Variants in MYO1H observed in about 807,000 individuals in gnomAD.
The protein encoded by MYO1H is myosin IH.
Under a neutral mutation model 149.3 loss-of-function variants are expected in MYO1H, and 118 were observed. The ratio of observed to expected loss-of-function variants is 0.79; its 90% CI spans 0.68 to 0.92. The LOEUF (loss-of-function observed/expected upper bound fraction) is 0.92. Ranked by LOEUF, MYO1H falls within the 40% of genes least tolerant of loss-of-function variation. The probability of loss-of-function intolerance (pLI) is 0.00; values close to 1 mark genes in which losing one functional copy is unlikely to be tolerated. For synonymous variants in MYO1H, 447 were observed against 465.2 expected (o/e 0.96, Z 0.50); for missense variants, 1,212 against 1,280.7 (o/e 0.95, Z 0.82).
At chr12:109,402,558 A>G (rs917708195) in intron 6 of MYO1H, among the ~76,000 whole-genome samples, 1 of 152,208 alleles carries the variant, frequency 6.6e-6, no homozygotes, top group Non-Finnish European at 1.5e-5. Flanking sequence ...GCTTGAGTCC[A>G]GGAATTTAAG....
exon 32 of MYO1H, chr12:109,447,423 G>A: frequency 1.7e-6 from 1 of 594,708 alleles, no homozygotes; most frequent in Non-Finnish European, 3.0e-6. Flanking sequence ...TCACCCGAAG[G>A]CGCAATTCTA....
chr12:109,378,612 C>A (rs544152036), intron 1 of MYO1H, among the ~76,000 whole-genome samples: 4 of 152,178 alleles, frequency 2.6e-5, no homozygotes, highest in South Asian at 2.1e-4. Flanking sequence ...CGCCACTGTG[C>A]CCGACCTGCA....
chr12:109,407,704 T>C, intron 9 of MYO1H, 90 bp from the exon 10 acceptor site: 1 of 1,407,978 alleles, frequency 7.1e-7, no homozygotes, highest in Non-Finnish European at 9.5e-7. Flanking sequence ...TCTCATTATT[T>C]TATTTTTTTT....
At chr12:109,336,863 G>T in the MYO1H span, among the ~76,000 whole-genome samples, 1 of 152,166 alleles carries the variant, frequency 6.6e-6, no homozygotes, top group Non-Finnish European at 1.5e-5. Flanking sequence ...CATTGTCATA[G>T]GTGATAGAGT....
In MYO1H at chr12:109,416,833, CAA is replaced by C. The variant is rs199622576; in HGVS notation, c.1597+1217_1597+1218del. On this transcript the variant is annotated intron_variant, in intron 15 of 31. Coordinates refer to ENST00000310903, the Ensembl canonical transcript of MYO1H. ...TGAAGCCCCATCTCTACTAAAAATA[CAA>C]AAATTATGTTAAAAATACAAAATTA... Among the ~76,000 whole-genome samples, 1,028 of 152,188 alleles carry C rather than the reference CAA, an allele frequency of 6.8e-3. 17 individuals are homozygous for C. Among genetic ancestry groups the C allele is most frequent in the African/African-American group, 0.023 (968 of 41,524 alleles).
At chr12:109,344,003 T>G (rs1592774560), upstream of MYO1H, among the ~76,000 whole-genome samples, 2 of 152,244 alleles carry the variant, frequency 1.3e-5, no homozygotes, top group East Asian at 3.8e-4. Context: ...CTCTTGGCTG[T>G]GACAGTTTCT....
intron 1 of MYO1H, among the ~76,000 whole-genome samples, chr12:109,367,545 AT>A (rs901132663): frequency 2.0e-5 from 3 of 151,830 alleles, no homozygotes; most frequent in African/African-American, 7.3e-5. Flanking sequence ...TCATGTATTT[AT>A]TTATTTATTT....
intron 1 of MYO1H, among the ~76,000 whole-genome samples, chr12:109,349,329 G>A (rs1322352550): frequency 6.6e-6 from 1 of 151,982 alleles, no homozygotes; most frequent in Non-Finnish European, 1.5e-5. Context: ...AGATTCCTTT[G>A]GTAAAACATT....
chr12:109,311,762 T>A, the MYO1H span, among the ~76,000 whole-genome samples: 1 of 152,204 alleles, frequency 6.6e-6, no homozygotes, highest in Non-Finnish European at 1.5e-5. Flanking sequence ...AGGCCTTATA[T>A]TGGTCCTGAT....
chr12:109,432,303 C>CT (rs1028227596), intron 19 of MYO1H, among the ~76,000 whole-genome samples: 1 of 151,968 alleles, frequency 6.6e-6, no homozygotes, highest in African/African-American at 2.4e-5. Context: ...TGCGCCTGGC[C>CT]TTTTTTTAAG....
intron 1 of MYO1H, among the ~76,000 whole-genome samples, chr12:109,381,906 T>C (rs542535028): frequency 6.6e-6 from 1 of 152,356 alleles, no homozygotes; most frequent in East Asian, 1.9e-4. Context: ...AAAAACTCAT[T>C]GTCACCTTGG....
intron 1 of MYO1H, among the ~76,000 whole-genome samples, chr12:109,388,191 A>C (rs565380118): frequency 6.6e-5 from 10 of 150,576 alleles, no homozygotes; most frequent in Non-Finnish European, 1.5e-4. Context: ...TAATTTTAAA[A>C]AAAGAAAAAA....
chr12:109,397,834 T>C (rs757000132), intron 5 of MYO1H, 22 bp downstream of exon 5: 37 of 1,571,706 alleles, frequency 2.4e-5, no homozygotes, highest in Non-Finnish European at 2.9e-5. Context: ...CTCCTATTAC[T>C]GGTTCATGGG....
At chr12:109,425,091 G>A (rs548968406) in intron 17 of MYO1H, among the ~76,000 whole-genome samples, 4 of 152,068 alleles carry the variant, frequency 2.6e-5, no homozygotes, top group Non-Finnish European at 5.9e-5. Context: ...GTAACATAAT[G>A]AGACCCTGTC....
At chr12:109,338,063 A>G in the MYO1H span, among the ~76,000 whole-genome samples, 2 of 152,076 alleles carry the variant, frequency 1.3e-5, no homozygotes, top group Admixed American at 1.3e-4. Context: ...GCTTCAAATC[A>G]TTTATTTGAT....
At chr12:109,401,885 G>A (rs887393981) in intron 6 of MYO1H, among the ~76,000 whole-genome samples, 10 of 151,866 alleles carry the variant, frequency 6.6e-5, no homozygotes, top group Admixed American at 6.6e-5. Flanking sequence ...GACTACAGGC[G>A]CGAGGTACCA....
intron 5 of MYO1H, 106 bp downstream of exon 5, chr12:109,397,918 CTATTTAA>C (rs1309517260): frequency 2.1e-5 from 15 of 724,600 alleles, no homozygotes; most frequent in Non-Finnish European, 3.0e-5. Context: ...TTGGCTCAAG[CTATTTAA>C]AAAAATATCC....
chr12:109,403,187 T>C (rs1870237016), intron 6 of MYO1H, among the ~76,000 whole-genome samples: 1 of 152,230 alleles, frequency 6.6e-6, no homozygotes. Flanking sequence ...CTGCAAATTT[T>C]ATATCGGCCA....
exon 5 of MYO1H, chr12:109,397,736 T>C: frequency 6.2e-7 from 1 of 1,610,346 alleles, no homozygotes; most frequent in Non-Finnish European, 8.5e-7. Context: ...TCCAAGGCTT[T>C]TGGAAATGCC....
Sources: gnomAD v4.1 joint callset for allele counts (sites outside exome capture counted in the v4.1 genomes callset) on GRCh38, gnomAD v4.1.1 for gene constraint, MANE v1.5 for transcripts, NCBI Gene and HGNC (gene_info 2026-07-23, HGNC 2026-07-21) for gene names.